The following PARP8 variants were observed in gnomAD, a reference collection of about 807,000 sequenced individuals.
The protein encoded by PARP8 is poly(ADP-ribose) polymerase family member 8, also known as protein mono-ADP-ribosyltransferase PARP8.
PARP8 carries 51 observed loss-of-function variants against 124.1 expected under a neutral mutation model. The observed-to-expected ratio is 0.41, with a 90% CI of 0.33 to 0.52. The LOEUF (loss-of-function observed/expected upper bound fraction) is 0.52. Ranked by LOEUF, PARP8 falls within the 20% of genes least tolerant of loss-of-function variation. PARP8 has a pLI of 0.21. For synonymous variants in PARP8, 391 were observed against 361.5 expected (o/e 1.08, Z -0.93); for missense variants, 860 against 1,018.9 (o/e 0.84, Z 2.12).
chr5:50,759,622 C>CTTTTTTTT (rs4029424), intron 3 of PARP8, 21 bp from the exon 4 acceptor site: 6 of 1,326,818 alleles, frequency 4.5e-6, no homozygotes, highest in Non-Finnish European at 5.9e-6. Flanking sequence ...CTTTCATTAT[C>CTTTTTTTT]TTTTTTTTTT....
chr5:50,674,085 T>C (rs1259840402), intron 2 of PARP8, among the ~76,000 whole-genome samples: 1 of 152,224 alleles, frequency 6.6e-6, no homozygotes, highest in Non-Finnish European at 1.5e-5. Flanking sequence ...ACTAGTAAGA[T>C]GTGTTTTTAT....
intron 2 of PARP8, among the ~76,000 whole-genome samples, chr5:50,709,955 T>TATATAC (rs149858890): frequency 8.7e-5 from 9 of 103,322 alleles, no homozygotes; most frequent in African/African-American, 2.4e-4. Flanking sequence ...TATATATATA[T>TATATAC]ACACATACAT....
rs1276659293 is a variant in PARP8 at position 50,699,916 on chromosome 5, A to G, written c.146+31791A>G. The stretch of plus-strand genomic sequence containing the variant: ...TGCCTGACACATTGTTGACAGGATA[A>G]CATCATCACCCACTGGATGAGTAAA... On this transcript the variant is annotated intron_variant, in intron 2 of 25. Coordinates refer to ENST00000281631, the MANE Select transcript of PARP8 (RefSeq NM_024615.4). 2.0e-5 allele frequency among the ~76,000 whole-genome samples: 3 copies of G among 152,310 alleles called. No homozygotes were observed. In the South Asian group the frequency reaches 6.2e-4, roughly 32 times the overall value.
intron 7 of PARP8, among the ~76,000 whole-genome samples, chr5:50,774,841 ATGGGGTGGTGG>A: frequency 7.6e-6 from 1 of 131,918 alleles, no homozygotes; most frequent in African/African-American, 2.9e-5. Context: ...CACTTCCTAG[ATGGGGTGGTGG>A]CCAGGCAGAG....
chr5:50,808,081 C>G lies in PARP8; in HGVS notation c.1576-7351C>G, dbSNP rs114944340. ...TATTTTCCAAGTGAAATTAAGAACA[C>G]CCAGTTATAATTTGGTCCAGTTTTA... is the stretch of plus-strand genomic sequence containing the variant. On this transcript the variant is annotated intron_variant, in intron 14 of 25. Transcript: ENST00000281631. 5.5e-3 allele frequency among the ~76,000 whole-genome samples: 837 copies of G among 151,858 alleles called. 6 individuals are homozygous for G. The highest frequency in any genetic ancestry group is 0.019 in the African/African-American group (784 of 41,420).
At chr5:50,739,178 T>A (rs1757770643) in intron 2 of PARP8, 1 of 648,638 alleles carries the variant, frequency 1.5e-6, no homozygotes. Context: ...GCTAGGTAAC[T>A]CCTTTCCTTC....
chr5:50,798,597 T>G (rs575463203), intron 14 of PARP8, among the ~76,000 whole-genome samples: 1 of 151,936 alleles, frequency 6.6e-6, no homozygotes, highest in African/African-American at 2.4e-5. Flanking sequence ...ATTTTTTGTA[T>G]TTTTTTAGTA....
At chr5:50,813,567 A>G (rs1284438948) in intron 14 of PARP8, among the ~76,000 whole-genome samples, 1 of 152,050 alleles carries the variant, frequency 6.6e-6, no homozygotes, top group Admixed American at 6.6e-5. Flanking sequence ...CTCTTTTCCT[A>G]ATTGGATACC....
At chr5:50,823,723 G>C (rs1221532176) in intron 17 of PARP8, among the ~76,000 whole-genome samples, 1 of 152,160 alleles carries the variant, frequency 6.6e-6, no homozygotes, top group African/African-American at 2.4e-5. Context: ...TCTGACTCTG[G>C]AATCAGCTCT....
Position 50,757,481 on chromosome 5 carries a change from C to T in PARP8, c.185-2162C>T, listed in dbSNP as rs73101066. 5.3e-3 allele frequency among the ~76,000 whole-genome samples: 814 copies of T among 152,168 alleles called. 9 individuals are homozygous for T. The highest frequency in any genetic ancestry group is 0.019 in the African/African-American group (770 of 41,514). ...TCTGATCTGGCCTATTATGTAATAA[C>T]GGCAATTTAATAAATAATGTCATAA... On this transcript the variant is annotated intron_variant, in intron 3 of 25. Transcript: ENST00000281631.
At chr5:50,795,510 A>T in intron 12 of PARP8, 93 bp downstream of exon 12, 1 of 1,056,412 alleles carries the variant, frequency 9.5e-7, no homozygotes, top group Non-Finnish European at 1.3e-6. Context: ...GAAAAGAAGC[A>T]AAACTTTGTT....
intron 2 of PARP8, among the ~76,000 whole-genome samples, chr5:50,696,955 A>G (rs112439182): frequency 2.6e-5 from 4 of 152,110 alleles, no homozygotes; most frequent in African/African-American, 9.6e-5. Flanking sequence ...AACAGCTGCC[A>G]CTCAGCTAGG....
rs1013151405 is a variant in PARP8, at chr5:50,842,150, T to C, written c.*82T>C. ...TTTGAACTGAAGAAGATTATAAAAT[T>C]ATTTATTGTTATTATAAACAAAATT... On this transcript the variant is annotated 3_prime_UTR_variant, in exon 26 of 26. Transcript: ENST00000281631. The C allele has an allele frequency of 6.5e-6, 6 of 917,832 alleles. No individual in the cohort carries two copies. In the African/African-American group the frequency reaches 1.1e-4, roughly 16 times the overall value. The allele number at this position is 917,832 out of a possible 1,614,324, so 56.9% of individuals were successfully genotyped here.
intron 2 of PARP8, among the ~76,000 whole-genome samples, chr5:50,707,440 C>T (rs1273051031): frequency 2.0e-5 from 3 of 152,014 alleles, no homozygotes. Flanking sequence ...GACTTGACAG[C>T]TACCTAGAAT....
intron 2 of PARP8, among the ~76,000 whole-genome samples, chr5:50,700,368 A>T (rs1753467428): frequency 6.6e-6 from 1 of 152,192 alleles, no homozygotes; most frequent in African/African-American, 2.4e-5. Context: ...AGATAACTTC[A>T]TTCACAGTTG....
rs1411315004 is a variant in PARP8 at position 50,845,933 on chromosome 5, C to T, written c.*3865C>T. The T allele has an allele frequency of 6.6e-6, 1 of 151,680 alleles. No individual in the cohort carries two copies. Among genetic ancestry groups the T allele is most frequent in the East Asian group, 1.9e-4 (1 of 5,166 alleles). The allele number at this position is 151,680 out of a possible 1,614,324, so 9.4% of individuals were successfully genotyped here. ...GATGTATATTATTACCCAGTAAATTCTTCTTGGGAATTTTGTATACATTAT... is the reference window on the plus strand; with the variant it reads ...GATGTATATTATTACCCAGTAAATTTTTCTTGGGAATTTTGTATACATTAT... On this transcript the variant is annotated 3_prime_UTR_variant, in exon 26 of 26. Coordinates refer to ENST00000281631, the MANE Select transcript of PARP8 (RefSeq NM_024615.4).
At chr5:50,808,144 G>A (rs867921672) in intron 14 of PARP8, among the ~76,000 whole-genome samples, 3 of 151,816 alleles carry the variant, frequency 2.0e-5, no homozygotes, top group Non-Finnish European at 2.9e-5. Flanking sequence ...GGTCTCAGTC[G>A]ATAAAGATTT....
intron 2 of PARP8, among the ~76,000 whole-genome samples, chr5:50,676,253 G>T (rs190316852): frequency 1.1e-3 from 168 of 152,286 alleles, no homozygotes; most frequent in Middle Eastern, 6.8e-3. Flanking sequence ...CAGTGTAATA[G>T]AAATGGAAAT....
intron 9 of PARP8, among the ~76,000 whole-genome samples, chr5:50,779,987 T>G (rs1332836737): frequency 2.0e-5 from 3 of 152,198 alleles, no homozygotes; most frequent in Non-Finnish European, 4.4e-5. Flanking sequence ...AATATTTTTA[T>G]TCTGATAATT....
Sources: gnomAD v4.1 joint callset for allele counts (sites outside exome capture counted in the v4.1 genomes callset) on GRCh38, gnomAD v4.1.1 for gene constraint, MANE v1.5 for transcripts, NCBI Gene and HGNC (gene_info 2026-07-23, HGNC 2026-07-21) for gene names.